TCF25: variants seen among roughly 807,000 people sequenced by gnomAD.
TCF25 encodes the protein TCF25 ribosome quality control complex subunit.
TCF25 carries 41 observed loss-of-function variants against 83.1 expected under a neutral mutation model. That is an observed-to-expected ratio of 0.49 (90% CI 0.38 to 0.64). TCF25 has a LOEUF of 0.64. TCF25 is among the 30% of genes least tolerant of loss of function. The probability of loss-of-function intolerance (pLI) is 0.00; values close to 1 mark genes in which losing one functional copy is unlikely to be tolerated. For synonymous variants in TCF25, 458 were observed against 365.0 expected (o/e 1.25, Z -2.90); for missense variants, 979 against 914.5 (o/e 1.07, Z -0.91).
chr16:89,899,014 T>A, intron 11 of TCF25, 142 bp downstream of exon 11: 1 of 801,202 alleles, frequency 1.2e-6, no homozygotes, highest in Non-Finnish European at 2.0e-6. Context: ...TCCTCCTGCC[T>A]TGTTTGTCTC....
chr16:89,892,081 C>T (rs1597323982), intron 5 of TCF25, 112 bp from the exon 6 acceptor site: 2 of 1,030,032 alleles, frequency 1.9e-6, no homozygotes, highest in Non-Finnish European at 2.7e-6. Flanking sequence ...CCCCACATGC[C>T]TTCTCTGCCC....
rs558741510 is a variant in TCF25 at position 89,880,973 on chromosome 16, G to T, written c.193-2378G>T. 2.0e-5 allele frequency among the ~76,000 whole-genome samples: 3 copies of T among 152,358 alleles called. No homozygotes were observed. The South Asian group carries it at 6.2e-4, about 32-fold the overall frequency. ...CCATGAGAATCACCATCATGGTGCT[G>T]CTGGGATGGGACAAACCTCGTTTTG... On this transcript the variant is annotated intron_variant, in intron 1 of 17. Transcript: ENST00000263346.
Position 89,906,456 on chromosome 16 carries a change from C to T in TCF25, c.1719+172C>T, listed in dbSNP as rs574935799. ...GAGGGCTCCTCCTTTCCTGGCAGCC[C>T]GGGTTCGGATGCTTGTTGTTTTGAG... On this transcript the variant is annotated intron_variant, in intron 15 of 17. Coordinates refer to ENST00000263346, the MANE Select transcript of TCF25 (RefSeq NM_014972.3). 5.6e-4 allele frequency among the ~76,000 whole-genome samples: 85 copies of T among 152,220 alleles called. No individual in the cohort carries two copies. In the South Asian group the frequency reaches 0.016, roughly 29 times the overall value.
chr16:89,902,768 G>A (rs535958685), intron 12 of TCF25, among the ~76,000 whole-genome samples: 31 of 151,958 alleles, frequency 2.0e-4, no homozygotes, highest in Middle Eastern at 3.4e-3. Flanking sequence ...CCTTAAGACG[G>A]GCCTCCTCCG....
chr16:89,878,430 C>G (rs1159024105), intron 1 of TCF25: 2 of 1,131,522 alleles, frequency 1.8e-6, no homozygotes. Flanking sequence ...TATTAAAAAT[C>G]ACCATTTTTT....
At chr16:89,896,489 C>T (rs1186980107) in intron 9 of TCF25, among the ~76,000 whole-genome samples, 1 of 151,456 alleles carries the variant, frequency 6.6e-6, no homozygotes, top group African/African-American at 2.4e-5. Flanking sequence ...GGGAGGGTTG[C>T]TTGAGCCCAG....
chr16:89,873,817 C>T lies in TCF25; in HGVS notation c.150C>T (p.Gly50=). The part of the protein sequence containing the change: ...KRELGVRRPG[G]AGKEGVRVNN... ...AGCTTGGTGTCCGGCGTCCCGGGGG[C>T]GCAGGGAAGGAGGGCGTCCGAGTCA... The change falls in exon 1 of 18, where the codon GGC becomes GGT. Residue 50 remains glycine (G), a synonymous_variant. Coordinates refer to ENST00000263346, the MANE Select transcript of TCF25 (RefSeq NM_014972.3). The T allele has an allele frequency of 1.9e-6, 3 of 1,588,142 alleles. No individual in the cohort carries two copies. The highest frequency in any genetic ancestry group is 1.1e-5 in the South Asian group (1 of 88,202).
chr16:89,892,080 C>A lies in TCF25; in HGVS notation c.615-113C>A, dbSNP rs1057419631. 3.1e-5 allele frequency: 31 copies of A among 987,972 alleles called. No homozygotes were observed. In the South Asian group the frequency reaches 5.2e-4, roughly 17 times the overall value. The allele number at this position is 987,972 out of a possible 1,614,324, so 61.2% of individuals were successfully genotyped here. A position where few individuals can be genotyped will look rare whatever the true frequency, so the allele number is the denominator to read the frequency against. ...ATGCGTCCCCACCCTGCCCCACATGCCTTCTCTGCCCCTCAGTTTTGCTTC... is the reference window on the plus strand; with the variant it reads ...ATGCGTCCCCACCCTGCCCCACATGACTTCTCTGCCCCTCAGTTTTGCTTC... On this transcript the variant is annotated intron_variant, in intron 5 of 17. Coordinates refer to ENST00000263346, the MANE Select transcript of TCF25 (RefSeq NM_014972.3).
At chr16:89,900,244 C>T (rs896962351) in intron 11 of TCF25, among the ~76,000 whole-genome samples, 8 of 152,146 alleles carry the variant, frequency 5.3e-5, no homozygotes, top group Non-Finnish European at 8.8e-5. Flanking sequence ...GGGCTGCTCT[C>T]GGAAACTCGC....
rs760603621 is a variant in TCF25 at position 89,885,917 on chromosome 16, G to A, written c.499G>A (p.Gly167Ser). Residue 167 changes from glycine to serine, a missense_variant, in exon 4 of 18, where the codon GGC becomes AGC. Gly to Ser is a moderately conservative substitution (Grantham distance 56). Coordinates refer to ENST00000263346, the MANE Select transcript of TCF25 (RefSeq NM_014972.3). The stretch of plus-strand genomic sequence containing the variant: ...GGACAGCACTGGGTTGAACCGTCCC[G>A]GCCCAGCTCCCCTGAGCTCCAGGAA... ...IEDSTGLNRP[G>S]PAPLSSRKHV... 1.1e-5 allele frequency: 17 copies of A among 1,604,024 alleles called. No individual in the cohort carries two copies. Among genetic ancestry groups the A allele is most frequent in the Admixed American group, 3.4e-5 (2 of 59,528 alleles).
intron 1 of TCF25, among the ~76,000 whole-genome samples, chr16:89,880,071 C>A (rs2042492699): frequency 1.3e-5 from 2 of 151,590 alleles, no homozygotes; most frequent in Admixed American, 6.6e-5. Flanking sequence ...GAGCCTGTCA[C>A]ACGTGTTGTC....
chr16:89,907,378 CCCAG>C (rs1567740925), intron 16 of TCF25, 56 bp downstream of exon 16: 10,564 of 1,032,888 alleles, frequency 0.01, 438 homozygotes, highest in East Asian at 0.025. Flanking sequence ...CCTCCCAGTT[CCCAG>C]CTCCCAGCTC....
chr16:89,908,688 ACCTCCCG>A (rs200981293), intron 16 of TCF25, among the ~76,000 whole-genome samples: 12 of 4,664 alleles, frequency 2.6e-3, no homozygotes, highest in East Asian at 0.017. Flanking sequence ...CCCAGCTCCC[ACCTCCCG>A]CCTCCCAGCT....
intron 3 of TCF25, 65 bp downstream of exon 3, chr16:89,884,721 G>GCCCTCTCCCTCTGCCTGACGC: frequency 6.8e-7 from 1 of 1,467,708 alleles, no homozygotes; most frequent in South Asian, 1.2e-5. Flanking sequence ...TCTGCCTGAC[G>GCCCTCTCCCTCTGCCTGACGC]CCCTCTCCCT....
At chr16:89,898,960 G>A in intron 11 of TCF25, 88 bp downstream of exon 11, 2 of 1,275,902 alleles carry the variant, frequency 1.6e-6, no homozygotes, top group Non-Finnish European at 2.2e-6. Flanking sequence ...GCGCTCAGGG[G>A]ACGTTTGGGG....
In TCF25 at chr16:89,897,796, A is replaced by G. The variant is rs192148598; in HGVS notation, c.1023-761A>G. On this transcript the variant is annotated intron_variant, in intron 9 of 17. Coordinates refer to ENST00000263346, the MANE Select transcript of TCF25 (RefSeq NM_014972.3). ...AGAGATTTTAACTCTCTTCCTGTAAATGATAAATAATAAACAAAAAAACAA... is the reference window on the plus strand; with the variant it reads ...AGAGATTTTAACTCTCTTCCTGTAAGTGATAAATAATAAACAAAAAAACAA... 2.9e-3 allele frequency among the ~76,000 whole-genome samples: 430 copies of G among 150,742 alleles called. 3 individuals are homozygous for G. Among genetic ancestry groups the G allele is most frequent in the African/African-American group, 0.01 (415 of 41,102 alleles).
intron 12 of TCF25, among the ~76,000 whole-genome samples, chr16:89,902,739 G>C (rs1204167604): frequency 6.6e-6 from 1 of 151,630 alleles, no homozygotes; most frequent in Non-Finnish European, 1.5e-5. Context: ...GGGCTGTGAG[G>C]GGTGAGGGTG....
chr16:89,888,902 G>C (rs1438418819), intron 5 of TCF25, among the ~76,000 whole-genome samples: 2 of 145,222 alleles, frequency 1.4e-5, no homozygotes, highest in African/African-American at 5.2e-5. Flanking sequence ...GGCCAGGCTG[G>C]TCTCGAACTC....
At chr16:89,899,397 G>A (rs569717801) in intron 11 of TCF25, among the ~76,000 whole-genome samples, 2 of 152,302 alleles carry the variant, frequency 1.3e-5, no homozygotes, top group East Asian at 1.9e-4. Context: ...TAGATATAAC[G>A]TATTAATCTC....
Sources: gnomAD v4.1 joint callset for allele counts (sites outside exome capture counted in the v4.1 genomes callset) on GRCh38, gnomAD v4.1.1 for gene constraint, MANE v1.5 for transcripts, NCBI Gene and HGNC (gene_info 2026-07-23, HGNC 2026-07-21) for gene names.